Variants in MALRD1 observed in about 807,000 individuals in gnomAD.
MALRD1 encodes MAM and LDL receptor class A domain containing 1.
In MALRD1, 247 loss-of-function variants were observed where a neutral mutation model predicts 242.1. That is an observed-to-expected ratio of 1.02 (90% CI 0.92 to 1.13). The LOEUF is 1.13. MALRD1 is among the 50% of genes most tolerant of loss of function. The probability of loss-of-function intolerance (pLI) is 0.00; values close to 1 mark genes in which losing one functional copy is unlikely to be tolerated. For synonymous variants in MALRD1, 995 were observed against 866.6 expected, an observed-to-expected ratio of 1.15 and a Z score of -2.60; for missense variants, 2,989 against 2,533.1, an observed-to-expected ratio of 1.18 and a Z score of -3.86.
chr10:19,714,904 A>G (rs1040053934), intron 38 of MALRD1, among the ~76,000 whole-genome samples: 3 of 152,170 alleles, frequency 2.0e-5, no homozygotes, highest in East Asian at 1.9e-4. Flanking sequence ...CCAGTGCACA[A>G]CAGGCCCATA....
At chr10:19,558,678 G>T (rs985192458) in intron 32 of MALRD1, among the ~76,000 whole-genome samples, 2 of 152,066 alleles carry the variant, frequency 1.3e-5, no homozygotes, top group African/African-American at 4.8e-5. Context: ...CATGAGAAAT[G>T]TTGGTCTGTA....
At chr10:19,068,846 G>C (rs1006287183) in intron 2 of MALRD1, among the ~76,000 whole-genome samples, 2 of 152,080 alleles carry the variant, frequency 1.3e-5, no homozygotes, top group African/African-American at 4.8e-5. Context: ...TGTAACCAAT[G>C]CCTTGAGTGG....
At chr10:19,620,335 T>G (rs976963233) in intron 36 of MALRD1, among the ~76,000 whole-genome samples, 4 of 152,038 alleles carry the variant, frequency 2.6e-5, no homozygotes, top group African/African-American at 9.7e-5. Flanking sequence ...CACTCTCAAG[T>G]AGGCCTCAGT....
chr10:19,588,065 A>G (rs1246028001), intron 33 of MALRD1, among the ~76,000 whole-genome samples: 1 of 152,104 alleles, frequency 6.6e-6, no homozygotes, highest in African/African-American at 2.4e-5. Flanking sequence ...TTCTGAAGCA[A>G]TTGGTAAAGA....
At chr10:19,135,762 A>G (rs142935517) in intron 9 of MALRD1, among the ~76,000 whole-genome samples, 8 of 152,296 alleles carry the variant, frequency 5.3e-5, no homozygotes, top group Admixed American at 2.0e-4. Context: ...ACAGCAAATA[A>G]TTGGTTATCT....
intron 18 of MALRD1, among the ~76,000 whole-genome samples, chr10:19,234,402 T>G (rs532094003): frequency 6.6e-5 from 10 of 152,182 alleles, no homozygotes; most frequent in African/African-American, 2.4e-4. Context: ...AGTTTATGTT[T>G]TATTATTGAC....
chr10:19,329,412 A>C (rs1564567254), intron 23 of MALRD1, among the ~76,000 whole-genome samples: 12 of 89,252 alleles, frequency 1.3e-4, no homozygotes, highest in Admixed American at 2.1e-4. Flanking sequence ...TTTATTTGGG[A>C]CCCCCCCCCA....
At chr10:19,452,731 C>T (rs1236128582) in intron 29 of MALRD1, among the ~76,000 whole-genome samples, 1 of 152,084 alleles carries the variant, frequency 6.6e-6, no homozygotes, top group Non-Finnish European at 1.5e-5. Context: ...TCAGAAGGAG[C>T]TTAGAGTGTA....
At chr10:19,617,254 C>G (rs181359136) in intron 36 of MALRD1, among the ~76,000 whole-genome samples, 2 of 152,056 alleles carry the variant, frequency 1.3e-5, no homozygotes, top group Non-Finnish European at 2.9e-5. Context: ...TCTTAAACTT[C>G]TCTCAAATGG....
chr10:19,463,553 A>ATGTGTGT (rs1836053575), intron 29 of MALRD1, among the ~76,000 whole-genome samples: 1 of 150,030 alleles, frequency 6.7e-6, no homozygotes, highest in African/African-American at 2.5e-5. Context: ...GTGGCTGAGT[A>ATGTGTGT]GTGTGTGTGT....
At chr10:19,585,108 C>T (rs1303031613) in intron 33 of MALRD1, among the ~76,000 whole-genome samples, 1 of 151,974 alleles carries the variant, frequency 6.6e-6, no homozygotes, top group Non-Finnish European at 1.5e-5. Context: ...TTATTTTGTG[C>T]CTATGTGTGT....
intron 19 of MALRD1, among the ~76,000 whole-genome samples, chr10:19,265,959 T>A (rs1169535988): frequency 2.0e-5 from 3 of 151,918 alleles, no homozygotes; most frequent in Non-Finnish European, 2.9e-5. Flanking sequence ...TATATATTTA[T>A]ATAATGACTT....
intron 1 of MALRD1, among the ~76,000 whole-genome samples, chr10:19,058,874 G>A (rs1449851751): frequency 6.6e-6 from 1 of 151,998 alleles, no homozygotes; most frequent in Non-Finnish European, 1.5e-5. Flanking sequence ...CTTGGGAAGG[G>A]CATAAGAAGA....
intron 12 of MALRD1, among the ~76,000 whole-genome samples, chr10:19,161,358 T>A (rs1834390947): frequency 2.3e-5 from 1 of 44,250 alleles, no homozygotes; most frequent in Non-Finnish European, 4.0e-5. Flanking sequence ...TGTGGTGGGG[T>A]CGGGGGAGGG....
intron 38 of MALRD1, among the ~76,000 whole-genome samples, chr10:19,719,299 A>G (rs1834632576): frequency 7.0e-6 from 1 of 143,434 alleles, no homozygotes; most frequent in Admixed American, 7.2e-5. Flanking sequence ...CCTGCTAGGC[A>G]TCTGGTTTCT....
chr10:19,215,598 T>C (rs1837274719), intron 18 of MALRD1, among the ~76,000 whole-genome samples: 4 of 152,186 alleles, frequency 2.6e-5, no homozygotes. Flanking sequence ...CATCATAATC[T>C]AATGTTTGTT....
At chr10:19,208,474 A>G (rs904823401) in intron 17 of MALRD1, among the ~76,000 whole-genome samples, 1 of 152,168 alleles carries the variant, frequency 6.6e-6, no homozygotes, top group Admixed American at 6.6e-5. Context: ...GCATACATGA[A>G]AGAATCTGGA....
chr10:19,690,585 C>T (rs1302654194), intron 36 of MALRD1, among the ~76,000 whole-genome samples: 2 of 151,826 alleles, frequency 1.3e-5, no homozygotes, highest in African/African-American at 2.4e-5. Context: ...AGAAAATTTT[C>T]TATCTTTATT....
chr10:19,258,670 A>G (rs1246089081), intron 19 of MALRD1, among the ~76,000 whole-genome samples: 1 of 152,096 alleles, frequency 6.6e-6, no homozygotes, highest in African/African-American at 2.4e-5. Flanking sequence ...CACAGCTCTG[A>G]TCCTACCCAC....
Sources: allele counts gnomAD v4.1 joint callset (sites outside exome capture counted in the v4.1 genomes callset), GRCh38; gene constraint gnomAD v4.1.1; transcripts MANE v1.5; gene names NCBI Gene and HGNC (gene_info 2026-07-23, HGNC 2026-07-21).